Variants in HIVEP3 observed in about 807,000 individuals in gnomAD.
HIVEP3 encodes transcription factor HIVEP3.
Under a neutral mutation model 152.8 loss-of-function variants are expected in HIVEP3, and 49 were observed. The ratio of observed to expected loss-of-function variants is 0.32; its 90% CI spans 0.26 to 0.41. The LOEUF (loss-of-function observed/expected upper bound fraction) is 0.41. Among genes scored for constraint, HIVEP3 ranks in the 10% least tolerant of loss-of-function variants. The probability of loss-of-function intolerance (pLI) is 1.00; values close to 1 mark genes in which losing one functional copy is unlikely to be tolerated. For missense variants in HIVEP3, 2,790 were observed against 3,103.3 expected (o/e 0.90, Z 2.40); for synonymous variants, 1,269 against 1,289.0 (o/e 0.98, Z 0.33).
intron 1 of HIVEP3, among the ~76,000 whole-genome samples, chr1:41,884,848 C>A (rs576280190): frequency 2.8e-5 from 4 of 141,566 alleles, no homozygotes; most frequent in African/African-American, 1.1e-4. Flanking sequence ...AGAAGGCAGG[C>A]CCAGGTGGGG....
At chr1:41,762,680 C>G (rs1647770889) in intron 1 of HIVEP3, among the ~76,000 whole-genome samples, 2 of 152,246 alleles carry the variant, frequency 1.3e-5, no homozygotes, top group African/African-American at 4.8e-5. Flanking sequence ...GGACCCCACA[C>G]TTGCTTGCTC....
chr1:41,881,256 ATTATG>A (rs980048391), intron 1 of HIVEP3, among the ~76,000 whole-genome samples: 3 of 152,228 alleles, frequency 2.0e-5, no homozygotes, highest in African/African-American at 7.2e-5. Context: ...TTCAAGCATT[ATTATG>A]TTATATCTTC....
intron 5 of HIVEP3, among the ~76,000 whole-genome samples, chr1:41,569,961 T>G (rs537219957): frequency 9.9e-5 from 15 of 152,236 alleles, no homozygotes; most frequent in Admixed American, 2.6e-4. Context: ...GAGACACAGT[T>G]CTGCAGTATG....
intron 5 of HIVEP3, among the ~76,000 whole-genome samples, chr1:41,528,287 CCCACA>C (rs1643080334): frequency 7.4e-6 from 1 of 134,700 alleles, no homozygotes; most frequent in Admixed American, 7.3e-5. Context: ...CACATACACC[CCCACA>C]CTCACCCTCA....
At chr1:41,592,621 C>G (rs1644603939) in intron 3 of HIVEP3, among the ~76,000 whole-genome samples, 1 of 152,166 alleles carries the variant, frequency 6.6e-6, no homozygotes, top group Non-Finnish European at 1.5e-5. Flanking sequence ...CAAGGTCAGG[C>G]CCACCTACTG....
chr1:42,024,521 G>A (rs1204879906), intron 1 of HIVEP3, among the ~76,000 whole-genome samples: 1 of 152,090 alleles, frequency 6.6e-6, no homozygotes, highest in Non-Finnish European at 1.5e-5. Flanking sequence ...CTCCTTCCAG[G>A]TAATATAAGG....
intron 1 of HIVEP3, among the ~76,000 whole-genome samples, chr1:41,976,313 G>T (rs1238609597): frequency 6.6e-6 from 1 of 151,886 alleles, no homozygotes; most frequent in Non-Finnish European, 1.5e-5. Context: ...GTACTTTCAG[G>T]CTCAGAGGGG....
Position 41,522,499 on chromosome 1 carries a change from C to T in HIVEP3, c.5383+2236G>A, listed in dbSNP as rs573165602. Reference sequence around the variant, plus strand: ...ATCACTGGTTGAGAGCACGGCCTCACAGCCCTGGCCTTCAGGACAGCAGGG... The same window carrying T: ...ATCACTGGTTGAGAGCACGGCCTCATAGCCCTGGCCTTCAGGACAGCAGGG... On this transcript the variant is annotated intron_variant, in intron 6 of 8. Transcript: ENST00000372583. Among the ~76,000 whole-genome samples the T allele has an allele frequency of 1.4e-4, 21 of 152,356 alleles. No homozygotes were observed. The South Asian group carries it at 2.7e-3, about 20-fold the overall frequency.
At chr1:41,986,500 G>A (rs1178540325) in intron 1 of HIVEP3, among the ~76,000 whole-genome samples, 1 of 150,116 alleles carries the variant, frequency 6.7e-6, no homozygotes, top group African/African-American at 2.5e-5. Flanking sequence ...GACTGCAGTG[G>A]CGCTATGTCG....
intron 1 of HIVEP3, among the ~76,000 whole-genome samples, chr1:41,974,090 G>A (rs1161248518): frequency 1.3e-5 from 2 of 152,152 alleles, no homozygotes; most frequent in Non-Finnish European, 1.5e-5. Flanking sequence ...TCTTAGGCTG[G>A]AAGAGAGCTG....
intron 5 of HIVEP3, among the ~76,000 whole-genome samples, chr1:41,549,481 C>T (rs1376865614): frequency 6.6e-6 from 1 of 151,846 alleles, no homozygotes; most frequent in African/African-American, 2.4e-5. Flanking sequence ...CTAGTTTACA[C>T]CCCCACCAAC....
intron 1 of HIVEP3, among the ~76,000 whole-genome samples, chr1:41,887,876 A>C (rs1354501316): frequency 6.6e-6 from 1 of 152,154 alleles, no homozygotes; most frequent in Non-Finnish European, 1.5e-5. Context: ...TTAAATTAAT[A>C]AAAATGAAAT....
chr1:41,691,155 C>T (rs1646191774), intron 2 of HIVEP3, among the ~76,000 whole-genome samples: 1 of 152,150 alleles, frequency 6.6e-6, no homozygotes, highest in African/African-American at 2.4e-5. Flanking sequence ...TGGCACATAG[C>T]AAGCAATACA....
intron 5 of HIVEP3, among the ~76,000 whole-genome samples, chr1:41,529,496 C>T (rs1384822101): frequency 9.5e-6 from 1 of 105,766 alleles, no homozygotes; most frequent in Admixed American, 1.0e-4. Context: ...ACATACTCCA[C>T]ACCCCATCCT....
chr1:41,942,512 G>A (rs975727516), intron 1 of HIVEP3, among the ~76,000 whole-genome samples: 6 of 152,202 alleles, frequency 3.9e-5, no homozygotes, highest in African/African-American at 1.4e-4. Context: ...TGCATTGTTA[G>A]CAAGAATGCA....
At position 41,724,760 on chromosome 1, in the gene HIVEP3, A is replaced by G. The variant is rs181516240; in HGVS notation, c.-800-23765T>C. On this transcript the variant is annotated intron_variant, in intron 1 of 8. Transcript: ENST00000372583. ...CAAACATCTGGTCTGCACTAAGGGC[A>G]CCTGCCAAATCTCGCCTGAGGCCAT... 4.3e-3 allele frequency among the ~76,000 whole-genome samples: 658 copies of G among 152,348 alleles called. 10 individuals are homozygous for G. The highest frequency in any genetic ancestry group is 0.041 in the Middle Eastern group (12 of 294).
intron 3 of HIVEP3, among the ~76,000 whole-genome samples, chr1:41,602,764 C>A (rs76769533): frequency 0.015 from 2,339 of 151,558 alleles, 68 homozygotes; most frequent in African/African-American, 0.053. Flanking sequence ...TTCTGTTAAC[C>A]TTGGCCTTAA....
intron 1 of HIVEP3, among the ~76,000 whole-genome samples, chr1:41,834,333 C>T (rs915682611): frequency 7.2e-5 from 11 of 152,318 alleles, no homozygotes; most frequent in African/African-American, 2.4e-4. Context: ...TGTCCATGCC[C>T]TCCCCAAGAG....
At chr1:41,908,628 C>A (rs182710596) in intron 1 of HIVEP3, among the ~76,000 whole-genome samples, 75 of 152,318 alleles carry the variant, frequency 4.9e-4, no homozygotes, top group African/African-American at 1.7e-3. Flanking sequence ...TATAGACTTT[C>A]ATTTTCTGAA....
Sources: allele counts gnomAD v4.1 joint callset (sites outside exome capture counted in the v4.1 genomes callset), GRCh38; gene constraint gnomAD v4.1.1; transcripts MANE v1.5; gene names NCBI Gene and HGNC (gene_info 2026-07-23, HGNC 2026-07-21).